The following CPE variants were observed in gnomAD, a reference collection of about 807,000 sequenced individuals.
CPE encodes carboxypeptidase E, also known as carbocypeptidase E.
A neutral mutation model predicts 53.5 loss-of-function variants in CPE; 17 were observed. The ratio of observed to expected loss-of-function variants is 0.32; its 90% CI spans 0.22 to 0.48. The LOEUF (loss-of-function observed/expected upper bound fraction) is 0.48, where lower values mean the gene tolerates loss of function less well. Ranked by LOEUF, CPE falls within the 20% of genes least tolerant of loss-of-function variation. The pLI is 0.99. For synonymous variants in CPE, 226 were observed against 228.8 expected (o/e 0.99, Z 0.11); for missense variants, 524 against 614.7 (o/e 0.85, Z 1.56).
chr4:165,463,405 T>A (rs1488699920), intron 1 of CPE, among the ~76,000 whole-genome samples: 1 of 152,222 alleles, frequency 6.6e-6, no homozygotes, highest in African/African-American at 2.4e-5. Flanking sequence ...GTTCTTATAA[T>A]AACCTTCCGT....
intron 1 of CPE, among the ~76,000 whole-genome samples, chr4:165,392,254 A>G (rs1181950375): frequency 1.4e-5 from 2 of 146,930 alleles, no homozygotes; most frequent in Non-Finnish European, 3.0e-5. Context: ...ATAGGTATAT[A>G]ATATATATTT....
chr4:165,416,960 C>A (rs1407194873), intron 1 of CPE, among the ~76,000 whole-genome samples: 1 of 152,084 alleles, frequency 6.6e-6, no homozygotes, highest in Non-Finnish European at 1.5e-5. Context: ...TGACCTCCAG[C>A]TTCTCTTTAT....
In CPE at chr4:165,416,657, A is replaced by G. The variant is rs1332693488; in HGVS notation, c.307+37129A>G. ...ATCATTGCCTGGCTATCTTCTTCTC[A>G]ATTACTAGATTTCACAGTAGGGGTT... On this transcript the variant is annotated intron_variant, in intron 1 of 8. Transcript: ENST00000402744. Among the ~76,000 whole-genome samples, 8 of 151,456 alleles carry G rather than the reference A, an allele frequency of 5.3e-5. No homozygotes were observed. In the East Asian group the frequency reaches 1.6e-3, roughly 30 times the overall value.
intron 1 of CPE, among the ~76,000 whole-genome samples, chr4:165,387,294 T>C (rs1452551115): frequency 6.6e-6 from 1 of 152,174 alleles, no homozygotes; most frequent in Non-Finnish European, 1.5e-5. Flanking sequence ...ATAAATGAAT[T>C]ACTTATGATA....
At chr4:165,429,471 C>T (rs1400068653) in intron 1 of CPE, among the ~76,000 whole-genome samples, 2 of 152,074 alleles carry the variant, frequency 1.3e-5, no homozygotes, top group East Asian at 1.9e-4. Context: ...GGGAGGCCAA[C>T]ACGAGTAGAT....
chr4:165,464,518 A>T lies in CPE; in HGVS notation c.436A>T (p.Ile146Phe), dbSNP rs1368681440. Reference sequence around the variant, plus strand: ...GGGGAACGAGACAATTGTCAACCTGATCCACAGTACCCGCATTCACATCAT... The same window carrying T: ...GGGGAACGAGACAATTGTCAACCTGTTCCACAGTACCCGCATTCACATCAT... Reference protein sequence around the residue: ...QKGNETIVNLIHSTRIHIMPS... With the variant: ...QKGNETIVNLFHSTRIHIMPS... Residue 146 changes from isoleucine (I) to phenylalanine (F), a missense_variant, in exon 2 of 9, where the codon ATC becomes TTC. By Grantham distance (21) the Ile-to-Phe change is conservative. Transcript: ENST00000402744. 6.2e-7 allele frequency: 1 copy of T among 1,613,830 alleles called. No individual in the cohort carries two copies. Among genetic ancestry groups the T allele is most frequent in the Non-Finnish European group, 8.5e-7 (1 of 1,179,940 alleles).
intron 1 of CPE, among the ~76,000 whole-genome samples, chr4:165,445,473 G>GA (rs1731697261): frequency 6.6e-6 from 1 of 151,512 alleles, no homozygotes; most frequent in Non-Finnish European, 1.5e-5. Context: ...CTTTGAATTT[G>GA]AAAAAATGAA....
chr4:165,433,401 G>A (rs1273694917), intron 1 of CPE, among the ~76,000 whole-genome samples: 1 of 152,080 alleles, frequency 6.6e-6, no homozygotes, highest in African/African-American at 2.4e-5. Flanking sequence ...CGGAGCTCAA[G>A]GCAGGAACTT....
At chr4:165,397,752 A>G (rs1030523102) in intron 1 of CPE, among the ~76,000 whole-genome samples, 1 of 152,146 alleles carries the variant, frequency 6.6e-6, no homozygotes, top group Admixed American at 6.6e-5. Context: ...ATTAAAAACA[A>G]GCTTTTGGCC....
intron 1 of CPE, among the ~76,000 whole-genome samples, chr4:165,438,224 G>T (rs556854962): frequency 6.6e-6 from 1 of 152,222 alleles, no homozygotes; most frequent in Non-Finnish European, 1.5e-5. Flanking sequence ...GATGATGAGG[G>T]TAGTGGATGG....
Position 165,379,494 on chromosome 4 carries a change from C to A in CPE, c.273C>A (p.Ile91=). The change falls in exon 1 of 9, where the codon ATC becomes ATA. Residue 91 remains isoleucine, a synonymous_variant. Coordinates refer to ENST00000402744, the MANE Select transcript of CPE (RefSeq NM_001873.4). The surrounding 1 kb of genome is among the most constrained non-coding windows in gnomAD (Gnocchi z 6.0). ...TCGAGGGCCGGGAGCTCCTGGTCAT[C>A]GAGCTGTCCGACAACCCTGGCGTCC... is the stretch of plus-strand genomic sequence containing the variant. ...RSFEGRELLV[I]ELSDNPGVHE... 6.2e-7 allele frequency: 1 copy of A among 1,600,094 alleles called. No homozygotes were observed. The highest frequency in any genetic ancestry group is 2.2e-5 in the East Asian group (1 of 44,492).
At chr4:165,451,839 G>A (rs1291321059) in intron 1 of CPE, among the ~76,000 whole-genome samples, 1 of 152,058 alleles carries the variant, frequency 6.6e-6, no homozygotes, top group Non-Finnish European at 1.5e-5. Context: ...CCGAGGCTAG[G>A]GGTTATTGTT....
At chr4:165,463,461 A>G (rs1044530982) in intron 1 of CPE, among the ~76,000 whole-genome samples, 11 of 152,234 alleles carry the variant, frequency 7.2e-5, no homozygotes, top group African/African-American at 2.2e-4. Context: ...ATGGAAAAAC[A>G]GAGCCACAGA....
chr4:165,392,034 A>G (rs1224902353), intron 1 of CPE, among the ~76,000 whole-genome samples: 1 of 151,924 alleles, frequency 6.6e-6, no homozygotes, highest in Admixed American at 6.6e-5. Flanking sequence ...ATTGTGCCAG[A>G]TAATTATGTT....
intron 1 of CPE, among the ~76,000 whole-genome samples, chr4:165,397,883 A>C (rs997544659): frequency 6.6e-6 from 1 of 151,212 alleles, no homozygotes; most frequent in Non-Finnish European, 1.5e-5. Flanking sequence ...TCTACCAGAA[A>C]AAAAAAAAAG....
intron 4 of CPE, among the ~76,000 whole-genome samples, 181 bp downstream of exon 4, chr4:165,482,540 T>C (rs1002754823): frequency 1.3e-5 from 2 of 152,222 alleles, no homozygotes; most frequent in Admixed American, 1.3e-4. Flanking sequence ...CATATCTATT[T>C]GGCAGAAAAG....
chr4:165,404,716 A>G (rs2241812), intron 1 of CPE: 435,090 of 850,792 alleles, frequency 0.51, 114,144 homozygotes, highest in African/African-American at 0.7. Context: ...GACACCTGGT[A>G]GTATAGAAGC....
At chr4:165,433,888 C>T (rs1013884069) in intron 1 of CPE, among the ~76,000 whole-genome samples, 1 of 151,496 alleles carries the variant, frequency 6.6e-6, no homozygotes, top group Non-Finnish European at 1.5e-5. Context: ...TATTTTGAGC[C>T]CCTTCCTTCT....
At chr4:165,430,652 A>AT (rs75552311) in intron 1 of CPE, among the ~76,000 whole-genome samples, 1 of 151,822 alleles carries the variant, frequency 6.6e-6, no homozygotes, top group South Asian at 2.1e-4. Context: ...TATGAAAGTA[A>AT]TTTTTATTAT....
Sources: allele counts gnomAD v4.1 joint callset (sites outside exome capture counted in the v4.1 genomes callset), GRCh38; gene constraint gnomAD v4.1.1; non-coding constraint Gnocchi (gnomAD v3.1); transcripts MANE v1.5; gene names NCBI Gene and HGNC (gene_info 2026-07-23, HGNC 2026-07-21).